The following DNAJC11 variants were observed in gnomAD, a reference collection of about 807,000 sequenced individuals.
The protein encoded by DNAJC11 is DnaJ heat shock protein family (Hsp40) member C11, also known as dnaJ homolog subfamily C member 11.
In DNAJC11, 15 loss-of-function variants were observed where a neutral mutation model predicts 78.6. That is an observed-to-expected ratio of 0.19 (90% CI 0.13 to 0.29). The LOEUF is 0.29. Among genes scored for constraint, DNAJC11 ranks in the 10% least tolerant of loss-of-function variants. The probability of loss-of-function intolerance (pLI) is 1.00; values close to 1 mark genes in which losing one functional copy is unlikely to be tolerated. For missense variants in DNAJC11, 547 were observed against 709.6 expected (o/e 0.77, Z 2.60); for synonymous variants, 292 against 272.1 (o/e 1.07, Z -0.72).
chr1:6,693,416 T>C (rs1570316162), intron 1 of DNAJC11, among the ~76,000 whole-genome samples: 1 of 152,230 alleles, frequency 6.6e-6, no homozygotes, highest in East Asian at 1.9e-4. Flanking sequence ...ATTCTTGCTC[T>C]GTCGCTCAGG....
At chr1:6,644,722 T>C (rs375763488) in intron 9 of DNAJC11, 48 bp from the exon 10 acceptor site, 2 of 1,507,668 alleles carry the variant, frequency 1.3e-6, no homozygotes, top group African/African-American at 2.7e-5. Flanking sequence ...ATTCATCACT[T>C]CAGGGGCAGC....
At chr1:6,652,766 G>T (rs1247208975) in intron 6 of DNAJC11, 63 bp downstream of exon 6, 3 of 1,606,252 alleles carry the variant, frequency 1.9e-6, no homozygotes, top group Non-Finnish European at 8.5e-7. Flanking sequence ...AGCTTTGAGA[G>T]TGTAAATGTT....
intron 4 of DNAJC11, among the ~76,000 whole-genome samples, chr1:6,657,494 C>T (rs1213383153): frequency 6.6e-6 from 1 of 152,214 alleles, no homozygotes; most frequent in Non-Finnish European, 1.5e-5. Context: ...AAGTCCCAGC[C>T]AATCCACAGA....
intron 1 of DNAJC11, among the ~76,000 whole-genome samples, chr1:6,690,025 A>G (rs1183248677): frequency 6.6e-6 from 1 of 152,232 alleles, no homozygotes; most frequent in Non-Finnish European, 1.5e-5. Flanking sequence ...CCCATTTTAC[A>G]GATAAAAATC....
chr1:6,695,306 C>CT (rs1227404716), intron 1 of DNAJC11, among the ~76,000 whole-genome samples: 3 of 151,802 alleles, frequency 2.0e-5, no homozygotes, highest in Non-Finnish European at 2.9e-5. Flanking sequence ...ATCCTTATGT[C>CT]TTTTTTTAAA....
chr1:6,661,084 G>A (rs147070141), intron 4 of DNAJC11, among the ~76,000 whole-genome samples: 80 of 152,276 alleles, frequency 5.3e-4, no homozygotes, highest in African/African-American at 1.7e-3. Flanking sequence ...TTTGATCCAC[G>A]CAGACACTGT....
chr1:6,639,833 T>C, intron 11 of DNAJC11, 69 bp downstream of exon 11: 1 of 1,528,204 alleles, frequency 6.5e-7, no homozygotes, highest in Non-Finnish European at 8.8e-7. Flanking sequence ...TGTTATCCTC[T>C]CCATTTTAAG....
At chr1:6,637,842 A>G (rs1451275848) in intron 12 of DNAJC11, 1 of 443,840 alleles carries the variant, frequency 2.3e-6, no homozygotes, top group East Asian at 4.3e-5. Flanking sequence ...TTAAAAATAA[A>G]GAGATTTCAC....
Position 6,634,744 on chromosome 1 carries a change from G to C in DNAJC11, c.*931C>G. 7.4e-7 allele frequency: 1 copy of C among 1,351,002 alleles called. No homozygotes were observed. Among genetic ancestry groups the C allele is most frequent in the Non-Finnish European group, 9.9e-7 (1 of 1,014,152 alleles). The allele number at this position is 1,351,002 out of a possible 1,614,324, so 83.7% of individuals were successfully genotyped here. ...GGAGCACAGGCCCTGGTGTTCCTGT[G>C]AGGACGCTGGACCTGCAGGAGCGGG... On this transcript the variant is annotated 3_prime_UTR_variant, in exon 16 of 16. Coordinates refer to ENST00000377577, the MANE Select transcript of DNAJC11 (RefSeq NM_018198.4).
At position 6,635,724 on chromosome 1, in the gene DNAJC11, G is replaced by C. The variant is rs1641752820; in HGVS notation, c.1655-24C>G. ...GGCTGTAAAGGAAAAGACAGACGCA[G>C]GTGATCAGAAGGTGGCCATTCCCAT... is the stretch of plus-strand genomic sequence containing the variant. On this transcript the variant is annotated intron_variant, in intron 15 of 15. Coordinates refer to ENST00000377577, the MANE Select transcript of DNAJC11 (RefSeq NM_018198.4). 10 of 1,613,970 alleles carry C rather than the reference G, an allele frequency of 6.2e-6. No individual in the cohort carries two copies. The South Asian group carries it at 1.1e-4, about 18-fold the overall frequency.
chr1:6,664,020 A>ATGTG (rs773729639), intron 4 of DNAJC11, among the ~76,000 whole-genome samples: 21 of 151,142 alleles, frequency 1.4e-4, no homozygotes, highest in African/African-American at 2.7e-4. Flanking sequence ...GTGTTCCTGC[A>ATGTG]TGTGTGTGTG....
intron 4 of DNAJC11, 141 bp from the exon 5 acceptor site, chr1:6,654,180 C>T (rs1642095386): frequency 2.1e-6 from 2 of 952,580 alleles, no homozygotes; most frequent in South Asian, 1.7e-5. Flanking sequence ...GGACACTCCA[C>T]CAGGAAGCCC....
Position 6,654,009 on chromosome 1 carries a change from C to A in DNAJC11, c.409G>T (p.Asp137Tyr), listed in dbSNP as rs1482836227. 1.9e-6 allele frequency: 3 copies of A among 1,613,408 alleles called. No homozygotes were observed. The South Asian group carries it at 3.3e-5, about 18-fold the overall frequency. The change falls in exon 5 of 16, where the codon GAC (aspartate) becomes TAC (tyrosine). Residue 137 changes from aspartate to tyrosine, a missense_variant. Asp to Tyr is a radical substitution (Grantham distance 160, BLOSUM62 -3). Coordinates refer to ENST00000377577, the MANE Select transcript of DNAJC11 (RefSeq NM_018198.4). The stretch of plus-strand genomic sequence containing the variant: ...TCCTCATCATAGCGATCAAAAAGGT[C>A]GGTGGCATCTACTCCAACGCTGATC... ...GTISVGVDAT[D>Y]LFDRYDEEYE...
intron 10 of DNAJC11, among the ~76,000 whole-genome samples, chr1:6,642,329 A>C (rs1641890490): frequency 2.0e-5 from 3 of 152,218 alleles, no homozygotes; most frequent in Admixed American, 2.0e-4. Context: ...ACAAGGAGGG[A>C]GACAGGTTCC....
chr1:6,634,179 G>GA lies in DNAJC11; in HGVS notation c.*1495dup, dbSNP rs1404347754. On this transcript the variant is annotated 3_prime_UTR_variant, in exon 16 of 16. Transcript: ENST00000377577. ...GAAGAGCGCCAGCCTCTGCTTTCAG[G>GA]AAAGGTTTATTGTGGTGAGTGCCTT... The GA allele has an allele frequency of 1.5e-5, 19 of 1,285,998 alleles. No homozygotes were observed. The highest frequency in any genetic ancestry group is 1.8e-5 in the Non-Finnish European group (16 of 902,136). The allele number at this position is 1,285,998 out of a possible 1,614,324, so 79.7% of individuals were successfully genotyped here.
chr1:6,649,698 A>G (rs1175685747), intron 7 of DNAJC11, among the ~76,000 whole-genome samples: 1 of 151,790 alleles, frequency 6.6e-6, no homozygotes, highest in Non-Finnish European at 1.5e-5. Flanking sequence ...TCTCATTGGA[A>G]GTGTAATAAC....
chr1:6,700,393 C>T (rs1570322740), intron 1 of DNAJC11, among the ~76,000 whole-genome samples: 1 of 152,172 alleles, frequency 6.6e-6, no homozygotes, highest in South Asian at 2.1e-4. Flanking sequence ...GTGGTCTCTT[C>T]ACACGGACGC....
At position 6,634,896 on chromosome 1, in the gene DNAJC11, A is replaced by G; in HGVS notation, c.*779T>C. The G allele has an allele frequency of 8.4e-7, 1 of 1,188,254 alleles. No homozygotes were observed. The highest frequency in any genetic ancestry group is 1.1e-6 in the Non-Finnish European group (1 of 934,728). 73.6% of individuals were successfully genotyped at this position (1,188,254 alleles called of 1,614,324 possible). A position where few individuals can be genotyped will look rare whatever the true frequency, so the allele number is the denominator to read the frequency against. On this transcript the variant is annotated 3_prime_UTR_variant, in exon 16 of 16. Coordinates refer to ENST00000377577, the MANE Select transcript of DNAJC11 (RefSeq NM_018198.4). ...TTGAGCTGCCCTTGCCCAGCACTGC[A>G]CTCTGGAGGTGGGTGGTGCAGGCGG...
At chr1:6,690,134 G>A (rs556000587) in intron 1 of DNAJC11, among the ~76,000 whole-genome samples, 1 of 152,182 alleles carries the variant, frequency 6.6e-6, no homozygotes, top group African/African-American at 2.4e-5. Flanking sequence ...CTAATAATGT[G>A]TAGCCTAACT....
Sources: allele counts gnomAD v4.1 joint callset (sites outside exome capture counted in the v4.1 genomes callset), GRCh38; gene constraint gnomAD v4.1.1; transcripts MANE v1.5; gene names NCBI Gene and HGNC (gene_info 2026-07-23, HGNC 2026-07-21).